ZNF652: variants seen among roughly 807,000 people sequenced by gnomAD.
ZNF652 encodes zinc finger protein 652.
A neutral mutation model predicts 45.2 loss-of-function variants in ZNF652; 16 were observed. The ratio of observed to expected loss-of-function variants is 0.35; its 90% CI spans 0.24 to 0.54. ZNF652 has a LOEUF of 0.54. Among genes scored for constraint, ZNF652 ranks in the 20% least tolerant of loss-of-function variants. The pLI, the probability that ZNF652 is intolerant of heterozygous loss-of-function variation, is 0.91. For synonymous variants in ZNF652, 250 were observed against 260.6 expected, an observed-to-expected ratio of 0.96 and a Z score of 0.39; for missense variants, 614 against 765.6, an observed-to-expected ratio of 0.80 and a Z score of 2.34.
chr17:49,306,750 C>T (rs1025863022), intron 5 of ZNF652, among the ~76,000 whole-genome samples: 27 of 151,900 alleles, frequency 1.8e-4, no homozygotes, highest in African/African-American at 5.8e-4. Flanking sequence ...CTGTGATAAA[C>T]GATATTGTAG....
At chr17:49,320,623 T>C (rs527256076) in intron 1 of ZNF652, among the ~76,000 whole-genome samples, 40 of 152,348 alleles carry the variant, frequency 2.6e-4, no homozygotes, top group Non-Finnish European at 4.4e-4. Flanking sequence ...AGCAACCTTA[T>C]TCTACTTGTG....
chr17:49,316,616 T>TA (rs2069808253), intron 2 of ZNF652, among the ~76,000 whole-genome samples: 1 of 152,230 alleles, frequency 6.6e-6, no homozygotes, highest in Non-Finnish European at 1.5e-5. Context: ...CCAGTGTGCC[T>TA]GGGTTCCCAC....
chr17:49,345,184 G>A lies in ZNF652; in HGVS notation c.-259+16725C>T, dbSNP rs533282375. Among the ~76,000 whole-genome samples the A allele has an allele frequency of 1.2e-4, 18 of 151,636 alleles. 1 individual carries two copies. Among genetic ancestry groups the A allele is most frequent in the Admixed American group, 1.1e-3 (16 of 15,230 alleles). On this transcript the variant is annotated intron_variant, in intron 1 of 5. Transcript: ENST00000430262. Reference sequence around the variant, plus strand: ...AAGGGGCAGTGAGGGGTGGTAGTAAGGAAGTTATCTAGATTTTTCTTTTTT... The same window carrying A: ...AAGGGGCAGTGAGGGGTGGTAGTAAAGAAGTTATCTAGATTTTTCTTTTTT...
intron 5 of ZNF652, among the ~76,000 whole-genome samples, chr17:49,306,158 C>T (rs902835698): frequency 6.6e-6 from 1 of 152,160 alleles, no homozygotes; most frequent in African/African-American, 2.4e-5. Context: ...AGCTGCTTTT[C>T]CAGTTTGGAC....
intron 1 of ZNF652, among the ~76,000 whole-genome samples, chr17:49,341,459 C>T (rs568925404): frequency 1.6e-5 from 2 of 128,440 alleles, no homozygotes; most frequent in South Asian, 2.4e-4. Context: ...TTTAGACCAG[C>T]CTAGGCAACA....
At chr17:49,315,564 A>G (rs2069791093) in intron 2 of ZNF652, among the ~76,000 whole-genome samples, 2 of 152,002 alleles carry the variant, frequency 1.3e-5, no homozygotes, top group Admixed American at 6.6e-5. Flanking sequence ...TAAGTTAAAA[A>G]AAAAAAAAAA....
intron 1 of ZNF652, among the ~76,000 whole-genome samples, chr17:49,324,485 G>C (rs890538819): frequency 1.3e-5 from 2 of 151,898 alleles, no homozygotes; most frequent in Non-Finnish European, 2.9e-5. Flanking sequence ...CCACCTCCTG[G>C]GTTCAAGCGA....
Position 49,293,690 on chromosome 17 carries a change from T to G in ZNF652, c.*4723A>C. ...AAAAAAAAAAAAAAAAAAAAACTCT[T>G]AAGTAATTTCCTATCTTGGTTCAGG... On this transcript the variant is annotated 3_prime_UTR_variant, in exon 6 of 6. Coordinates refer to ENST00000430262, the MANE Select transcript of ZNF652 (RefSeq NM_001145365.3). Among the ~76,000 whole-genome samples, 1 of 145,086 alleles carries G rather than the reference T, an allele frequency of 6.9e-6. No homozygotes were observed. Among genetic ancestry groups the G allele is most frequent in the Admixed American group, 6.9e-5 (1 of 14,474 alleles).
At chr17:49,310,589 T>C (rs1313337384) in intron 5 of ZNF652, among the ~76,000 whole-genome samples, 2 of 152,124 alleles carry the variant, frequency 1.3e-5, no homozygotes, top group Admixed American at 6.5e-5. Flanking sequence ...TGGTAAATCA[T>C]ATCAAATCAA....
intron 1 of ZNF652, among the ~76,000 whole-genome samples, chr17:49,318,533 T>G (rs1001547956): frequency 6.6e-6 from 1 of 152,214 alleles, no homozygotes; most frequent in Non-Finnish European, 1.5e-5. Flanking sequence ...CACTGAGATA[T>G]CCTCAGAGCT....
intron 3 of ZNF652, among the ~76,000 whole-genome samples, chr17:49,312,411 C>T (rs1361247892): frequency 6.6e-6 from 1 of 152,112 alleles, no homozygotes; most frequent in Non-Finnish European, 1.5e-5. Context: ...AGTGATTTGC[C>T]TGCCTCAGCC....
At chr17:49,329,106 G>A (rs2069996626) in intron 1 of ZNF652, among the ~76,000 whole-genome samples, 2 of 152,192 alleles carry the variant, frequency 1.3e-5, no homozygotes, top group Non-Finnish European at 2.9e-5. Context: ...CCTTCAGAAT[G>A]TCCAGAATGT....
chr17:49,327,750 TATATATATATATATATATATATATATATA>T (rs1306963962), intron 1 of ZNF652, among the ~76,000 whole-genome samples: 1 of 4,234 alleles, frequency 2.4e-4, no homozygotes, highest in Non-Finnish European at 4.9e-4. Context: ...TATATATATA[TATATATATATATATATATATATATATATA>T]TTTTTTTTTT....
In ZNF652 at chr17:49,294,488, G is replaced by A. The variant is rs955728297; in HGVS notation, c.*3925C>T. On this transcript the variant is annotated 3_prime_UTR_variant, in exon 6 of 6. Transcript: ENST00000430262. ...AGTCACAAATATATGTGGAAATGAA[G>A]CCACATGCCTTTAAATTGTTGTCTT... 3 of 152,042 alleles carry A rather than the reference G, an allele frequency of 2.0e-5. No homozygotes were observed. The highest frequency in any genetic ancestry group is 2.9e-5 in the Non-Finnish European group (2 of 67,998). The allele number at this position is 152,042 out of a possible 1,614,324, so 9.4% of individuals were successfully genotyped here.
chr17:49,312,854 G>T lies in ZNF652; in HGVS notation c.901-9C>A. On this transcript the variant is annotated splice_polypyrimidine_tract_variant and intron_variant, in intron 2 of 5. Coordinates refer to ENST00000430262, the MANE Select transcript of ZNF652 (RefSeq NM_001145365.3). ...TTGTTACAGGAAACACACTGAGCAG[G>T]ATAAATAGAAATAATATTTATAGGG... 3 of 1,609,348 alleles carry T rather than the reference G, an allele frequency of 1.9e-6. No homozygotes were observed. The highest frequency in any genetic ancestry group is 2.5e-6 in the Non-Finnish European group (3 of 1,178,552).
At chr17:49,353,845 G>C (rs1005575750) in intron 1 of ZNF652, among the ~76,000 whole-genome samples, 9 of 152,168 alleles carry the variant, frequency 5.9e-5, no homozygotes, top group African/African-American at 1.9e-4. Context: ...TCTAGATTTA[G>C]AACAGTCCAG....
chr17:49,312,126 G>A lies in ZNF652; in HGVS notation c.1049-84C>T, dbSNP rs903310608. The A allele has an allele frequency of 9.5e-5, 70 of 739,402 alleles. No homozygotes were observed. The East Asian group carries it at 2.0e-3, about 21-fold the overall frequency. The allele number at this position is 739,402 out of a possible 1,614,324, so 45.8% of individuals were successfully genotyped here. ...AAGGCATCCTACTGTAAAGCAATTA[G>A]GCCATCCTAATTTTCTACACTGATT... On this transcript the variant is annotated intron_variant, in intron 3 of 5. Transcript: ENST00000430262.
chr17:49,317,898 T>C lies in ZNF652; in HGVS notation c.-173A>G. On this transcript the variant is annotated 5_prime_UTR_variant, in exon 2 of 6. An upstream open reading frame in the 5' UTR loses its in-frame stop. Coordinates refer to ENST00000430262, the MANE Select transcript of ZNF652 (RefSeq NM_001145365.3). ...CAGTGTTGCAGCACCAAAGCATGAG[T>C]CAAAAAGGTTTGGTATTATGGCAAG... The C allele has an allele frequency of 7.0e-6, 5 of 716,526 alleles. No homozygotes were observed. The highest frequency in any genetic ancestry group is 1.1e-5 in the Non-Finnish European group (5 of 469,608). The allele number at this position is 716,526 out of a possible 1,614,324, so 44.4% of individuals were successfully genotyped here.
intron 1 of ZNF652, among the ~76,000 whole-genome samples, chr17:49,334,500 C>T (rs572667479): frequency 6.0e-4 from 91 of 151,850 alleles, no homozygotes; most frequent in Middle Eastern, 3.5e-3. Flanking sequence ...AAGAAATGGC[C>T]GGGCATGGTG....
Sources: gnomAD v4.1 joint callset for allele counts (sites outside exome capture counted in the v4.1 genomes callset) on GRCh38, gnomAD v4.1.1 for gene constraint, MANE v1.5 for transcripts, NCBI Gene and HGNC (gene_info 2026-07-23, HGNC 2026-07-21) for gene names.